Variants in ATRNL1 observed in about 807,000 individuals in gnomAD.
ATRNL1 encodes attractin-like protein 1.
ATRNL1 carries 95 observed loss-of-function variants against 182.7 expected under a neutral mutation model. That is an observed-to-expected ratio of 0.52 (90% CI 0.44 to 0.62). The LOEUF is 0.62. Among genes scored for constraint, ATRNL1 ranks in the 20% least tolerant of loss-of-function variants. ATRNL1 has a pLI of 0.00. For missense variants in ATRNL1, 1,471 were observed against 1,679.5 expected (o/e 0.88, Z 2.17); for synonymous variants, 576 against 568.3 (o/e 1.01, Z -0.19).
At chr10:115,707,945 C>A (rs1374593514) in intron 26 of ATRNL1, among the ~76,000 whole-genome samples, 1 of 151,704 alleles carries the variant, frequency 6.6e-6, no homozygotes, top group African/African-American at 2.4e-5. Flanking sequence ...CAGTGGCATT[C>A]TCTTAATACT....
chr10:115,562,532 C>G (rs1555000092), intron 26 of ATRNL1, among the ~76,000 whole-genome samples: 1 of 152,120 alleles, frequency 6.6e-6, no homozygotes, highest in Non-Finnish European at 1.5e-5. Flanking sequence ...ACCCAAATTT[C>G]ATCTTGAATT....
intron 13 of ATRNL1, among the ~76,000 whole-genome samples, chr10:115,269,009 G>C (rs1851725670): frequency 6.6e-6 from 1 of 152,264 alleles, no homozygotes; most frequent in Admixed American, 6.5e-5. Flanking sequence ...GCATCTAATA[G>C]GTAGAAGCAA....
chr10:115,133,853 G>T, intron 5 of ATRNL1, among the ~76,000 whole-genome samples: 1 of 152,258 alleles, frequency 6.6e-6, no homozygotes, highest in South Asian at 2.1e-4. Context: ...CTGTCTCTCA[G>T]ACCACAGTGC....
At chr10:115,216,329 G>A (rs1554896236) in intron 9 of ATRNL1, among the ~76,000 whole-genome samples, 1 of 152,072 alleles carries the variant, frequency 6.6e-6, no homozygotes, top group South Asian at 2.1e-4. Context: ...ACATGTTGCC[G>A]AAGTGCTTTT....
At chr10:115,331,132 T>C (rs1329624124) in intron 18 of ATRNL1, among the ~76,000 whole-genome samples, 1 of 152,094 alleles carries the variant, frequency 6.6e-6, no homozygotes, top group Non-Finnish European at 1.5e-5. Context: ...CAATCTCGGC[T>C]CACTGCAACC....
chr10:115,267,730 T>C (rs1326970906), intron 12 of ATRNL1, among the ~76,000 whole-genome samples: 1 of 152,146 alleles, frequency 6.6e-6, no homozygotes, highest in Admixed American at 6.6e-5. Flanking sequence ...TTCAGTAAAA[T>C]ATATGTAAAT....
chr10:115,688,571 G>T (rs920017064), intron 26 of ATRNL1, among the ~76,000 whole-genome samples: 1 of 151,960 alleles, frequency 6.6e-6, no homozygotes, highest in Non-Finnish European at 1.5e-5. Flanking sequence ...AGTGACGTTG[G>T]GGCATTTTTT....
chr10:115,584,923 C>A lies in ATRNL1; in HGVS notation c.3795+35387C>A, dbSNP rs1226971284. 3.4e-5 allele frequency among the ~76,000 whole-genome samples: 5 copies of A among 149,210 alleles called. No homozygotes were observed. In the Admixed American group the frequency reaches 3.4e-4, roughly 10 times the overall value. The stretch of plus-strand genomic sequence containing the variant: ...TTCCCTCTACACACTGCTTTGAATG[C>A]GTCCCAGAGATTCTGGTATGTTGTG... On this transcript the variant is annotated intron_variant, in intron 26 of 28. Transcript: ENST00000355044.
chr10:115,523,067 G>A (rs1225582660), intron 25 of ATRNL1, among the ~76,000 whole-genome samples: 1 of 152,082 alleles, frequency 6.6e-6, no homozygotes, highest in East Asian at 1.9e-4. Context: ...CCCTATGGCA[G>A]GCTTCTGCCT....
chr10:115,859,584 T>G (rs1172882340), intron 28 of ATRNL1, among the ~76,000 whole-genome samples: 2 of 152,118 alleles, frequency 1.3e-5, no homozygotes, highest in Admixed American at 1.3e-4. Context: ...GCCCTGCAAA[T>G]TCCTTCTAGT....
intron 8 of ATRNL1, among the ~76,000 whole-genome samples, chr10:115,195,429 C>T (rs1318110492): frequency 6.6e-6 from 1 of 152,054 alleles, no homozygotes; most frequent in Non-Finnish European, 1.5e-5. Flanking sequence ...AATGTCATCT[C>T]GCTCTCCTGG....
intron 27 of ATRNL1, among the ~76,000 whole-genome samples, chr10:115,775,755 G>T (rs895211637): frequency 6.6e-6 from 1 of 151,044 alleles, no homozygotes; most frequent in South Asian, 2.1e-4. Flanking sequence ...AGGAGTTCAA[G>T]ACCAGCCTGG....
intron 10 of ATRNL1, among the ~76,000 whole-genome samples, chr10:115,255,680 G>T (rs991019242): frequency 2.0e-5 from 3 of 152,220 alleles, no homozygotes; most frequent in South Asian, 2.1e-4. Context: ...CTATGTTGAA[G>T]AGGAGTGGTG....
At chr10:115,191,617 G>A (rs1848172285) in intron 8 of ATRNL1, among the ~76,000 whole-genome samples, 1 of 152,036 alleles carries the variant, frequency 6.6e-6, no homozygotes, top group Non-Finnish European at 1.5e-5. Flanking sequence ...CATCATGGGA[G>A]CAGCTTCCCC....
chr10:115,569,362 A>C (rs1372836364), intron 26 of ATRNL1, among the ~76,000 whole-genome samples: 1 of 152,224 alleles, frequency 6.6e-6, no homozygotes, highest in Non-Finnish European at 1.5e-5. Context: ...GTATAATTAT[A>C]GGATAAATTC....
At chr10:115,426,416 C>T (rs1168634728) in intron 21 of ATRNL1, 114 bp downstream of exon 21, 21 of 693,018 alleles carry the variant, frequency 3.0e-5, no homozygotes, top group Non-Finnish European at 4.3e-5. Context: ...ATTTCTATTT[C>T]TTAAATTTTA....
At chr10:115,615,296 A>G (rs1857374639) in intron 26 of ATRNL1, among the ~76,000 whole-genome samples, 1 of 152,098 alleles carries the variant, frequency 6.6e-6, no homozygotes, top group South Asian at 2.1e-4. Flanking sequence ...GCTGACCAGT[A>G]GTGATGAATT....
intron 26 of ATRNL1, among the ~76,000 whole-genome samples, chr10:115,583,319 CTAT>C (rs1855260674): frequency 1.2e-5 from 1 of 82,448 alleles, no homozygotes; most frequent in South Asian, 6.2e-4. Flanking sequence ...GGCATTGAAT[CTAT>C]CTGTAAATTA....
chr10:115,315,542 C>A lies in ATRNL1; in HGVS notation c.2843C>A (p.Thr948Asn). 2 of 1,613,226 alleles carry A rather than the reference C, an allele frequency of 1.2e-6. No homozygotes were observed. The highest frequency in any genetic ancestry group is 8.5e-7 in the Non-Finnish European group (1 of 1,179,502). The change falls in exon 18 of 29, where the codon ACC (threonine) becomes AAC (asparagine). Residue 948 changes from threonine (T) to asparagine (N), a missense_variant. Coordinates refer to ENST00000355044, the MANE Select transcript of ATRNL1 (RefSeq NM_207303.4). ...CSPQNCSGLR[T>N]CGQCLEQPGC... Reference sequence around the variant, plus strand: ...GCTCAAAATTGTTCTGGATTGAGAACCTGTGGACAGTGTTTGGAACAGCCT... The same window carrying A: ...GCTCAAAATTGTTCTGGATTGAGAAACTGTGGACAGTGTTTGGAACAGCCT...
Sources: allele counts gnomAD v4.1 joint callset (sites outside exome capture counted in the v4.1 genomes callset), GRCh38; gene constraint gnomAD v4.1.1; transcripts MANE v1.5; gene names NCBI Gene and HGNC (gene_info 2026-07-23, HGNC 2026-07-21).